Variants in MTUS2 observed in about 807,000 individuals in gnomAD.
MTUS2 encodes the protein microtubule associated scaffold protein 2.
In MTUS2, 40 loss-of-function variants were observed where a neutral mutation model predicts 114.1. The ratio of observed to expected loss-of-function variants is 0.35; its 90% CI spans 0.27 to 0.46. MTUS2 has a LOEUF of 0.46. MTUS2 is among the 20% of genes least tolerant of loss of function. The pLI is 1.00. For synonymous variants in MTUS2, 688 were observed against 672.0 expected (o/e 1.02, Z -0.37); for missense variants, 1,679 against 1,705.4 (o/e 0.98, Z 0.27).
At chr13:29,195,960 A>C (rs1381847878) in intron 5 of MTUS2, among the ~76,000 whole-genome samples, 4 of 152,182 alleles carry the variant, frequency 2.6e-5, no homozygotes, top group African/African-American at 9.7e-5. Flanking sequence ...TTGAAGAAGG[A>C]CTGATGCGAT....
chr13:29,180,943 G>C (rs1008054833), intron 5 of MTUS2, among the ~76,000 whole-genome samples: 2 of 152,028 alleles, frequency 1.3e-5, no homozygotes, highest in Non-Finnish European at 2.9e-5. Context: ...AAAAACAACT[G>C]TATGTCCATT....
At chr13:29,060,349 C>G (rs1433185078) in intron 4 of MTUS2, among the ~76,000 whole-genome samples, 1 of 151,780 alleles carries the variant, frequency 6.6e-6, no homozygotes, top group Non-Finnish European at 1.5e-5. Flanking sequence ...TTCTCCAGTT[C>G]CTTGTGGAGA....
chr13:28,949,567 C>CT (rs1197390251), intron 2 of MTUS2, among the ~76,000 whole-genome samples: 7 of 152,116 alleles, frequency 4.6e-5, no homozygotes, highest in South Asian at 2.1e-4. Flanking sequence ...ATCTAGAACT[C>CT]TTTTTTTCAC....
At chr13:29,137,671 C>G (rs961696906) in intron 5 of MTUS2, among the ~76,000 whole-genome samples, 2 of 151,840 alleles carry the variant, frequency 1.3e-5, no homozygotes, top group Non-Finnish European at 2.9e-5. Flanking sequence ...GGCTGGAGTA[C>G]AGTGGCGTGA....
chr13:29,495,443 G>A (rs913083051), intron 12 of MTUS2, among the ~76,000 whole-genome samples: 7 of 151,344 alleles, frequency 4.6e-5, no homozygotes, highest in African/African-American at 1.7e-4. Context: ...GGTTTGCAGA[G>A]AGGGTCCTCC....
intron 5 of MTUS2, chr13:29,239,970 AC>A (rs111920067): frequency 0.25 from 37,980 of 151,294 alleles, 4,930 homozygotes; most frequent in East Asian, 0.47. Context: ...TGGAAAAAAA[AC>A]AACAACCCAG....
chr13:29,051,136 T>A (rs932934055), intron 4 of MTUS2, among the ~76,000 whole-genome samples: 20 of 152,042 alleles, frequency 1.3e-4, no homozygotes, highest in Non-Finnish European at 2.2e-4. Flanking sequence ...TGTGAGCTGT[T>A]AGAGTTTACA....
chr13:29,152,343 G>C (rs1271811202), intron 5 of MTUS2, among the ~76,000 whole-genome samples: 1 of 152,144 alleles, frequency 6.6e-6, no homozygotes, highest in Non-Finnish European at 1.5e-5. Flanking sequence ...GTTAGATTTA[G>C]GAGACTAATC....
chr13:29,322,650 G>A (rs989261859), intron 6 of MTUS2, among the ~76,000 whole-genome samples: 3 of 152,172 alleles, frequency 2.0e-5, no homozygotes, highest in Admixed American at 2.0e-4. Flanking sequence ...GGTGATGAGA[G>A]GGCCACAGTA....
At chr13:29,248,657 G>A (rs967265120) in intron 5 of MTUS2, among the ~76,000 whole-genome samples, 4 of 152,010 alleles carry the variant, frequency 2.6e-5, no homozygotes, top group Admixed American at 6.6e-5. Flanking sequence ...GCACCAGTGT[G>A]TGTTGTTCCC....
At chr13:28,897,730 T>C (rs1416648273) in intron 2 of MTUS2, among the ~76,000 whole-genome samples, 2 of 152,034 alleles carry the variant, frequency 1.3e-5, no homozygotes, top group Non-Finnish European at 2.9e-5. Flanking sequence ...CCATAAAAAA[T>C]GATGAGTTCA....
intron 2 of MTUS2, among the ~76,000 whole-genome samples, chr13:28,918,962 CTT>C (rs147626959): frequency 0.011 from 1,707 of 152,116 alleles, 29 homozygotes; most frequent in African/African-American, 0.039. Context: ...TAATAAAAAA[CTT>C]TATGTTTTAA....
chr13:28,940,020 C>A (rs1196049677), intron 2 of MTUS2, among the ~76,000 whole-genome samples: 1 of 152,122 alleles, frequency 6.6e-6, no homozygotes, highest in African/African-American at 2.4e-5. Context: ...ATTGAAAGAC[C>A]TGCCCCCTTG....
chr13:29,094,973 C>T (rs1056373065), intron 4 of MTUS2, among the ~76,000 whole-genome samples: 3 of 151,990 alleles, frequency 2.0e-5, no homozygotes, highest in African/African-American at 7.2e-5. Flanking sequence ...GAGAATTACC[C>T]AAATTTCCTT....
intron 15 of MTUS2, among the ~76,000 whole-genome samples, chr13:29,501,730 G>T (rs1028709557): frequency 6.6e-6 from 1 of 152,130 alleles, no homozygotes; most frequent in African/African-American, 2.4e-5. Context: ...TAAGACCCAG[G>T]CCTGAACCCT....
intron 5 of MTUS2, among the ~76,000 whole-genome samples, chr13:29,101,825 T>C (rs895099791): frequency 6.6e-6 from 1 of 152,050 alleles, no homozygotes; most frequent in Non-Finnish European, 1.5e-5. Flanking sequence ...GAGAGAGAGA[T>C]CGATTGATTT....
intron 2 of MTUS2, among the ~76,000 whole-genome samples, chr13:28,847,525 C>T (rs1593242609): frequency 1.3e-5 from 2 of 152,102 alleles, no homozygotes; most frequent in African/African-American, 4.8e-5. Flanking sequence ...TGTACCTCTC[C>T]CCCTTGCCTA....
chr13:29,013,928 TGTCTAGCTTTTATTA>T (rs1291559444), intron 2 of MTUS2, among the ~76,000 whole-genome samples: 2 of 152,276 alleles, frequency 1.3e-5, no homozygotes, highest in Admixed American at 6.5e-5. Flanking sequence ...TATTATATCC[TGTCTAGCTTTTATTA>T]GTGATTAACT....
At chr13:29,015,548 T>C (rs768871459) in intron 2 of MTUS2, among the ~76,000 whole-genome samples, 1 of 152,198 alleles carries the variant, frequency 6.6e-6, no homozygotes, top group Admixed American at 6.5e-5. Flanking sequence ...TGTATAAAGA[T>C]GCAAATGTGC....
Sources: allele counts gnomAD v4.1 joint callset (sites outside exome capture counted in the v4.1 genomes callset), GRCh38; gene constraint gnomAD v4.1.1; transcripts MANE v1.5; gene names NCBI Gene and HGNC (gene_info 2026-07-23, HGNC 2026-07-21).